Variants in WWOX observed in about 807,000 individuals in gnomAD.
WWOX encodes the protein WW domain-containing oxidoreductase.
WWOX carries 69 observed loss-of-function variants against 46.2 expected under a neutral mutation model. That is an observed-to-expected ratio of 1.49 (90% CI 1.23 to 1.82). The LOEUF is 1.82. Ranked by LOEUF, WWOX falls within the 40% of genes most tolerant of loss-of-function variation. The pLI, the probability that WWOX is intolerant of heterozygous loss-of-function variation, is 0.00. For synonymous variants in WWOX, 359 were observed against 202.6 expected (o/e 1.77, Z -6.56); for missense variants, 919 against 542.6 (o/e 1.69, Z -6.89).
Position 78,346,897 on chromosome 16 carries a change from TA to T in WWOX, c.517-39962del, listed in dbSNP as rs1230062592. Among the ~76,000 whole-genome samples, 10 of 117,568 alleles carry T rather than the reference TA, an allele frequency of 8.5e-5. 2 individuals are homozygous for T. The highest frequency in any genetic ancestry group is 2.3e-4 in the African/African-American group (8 of 34,504). 77.1% of individuals were successfully genotyped at this position (117,568 alleles called of 152,430 possible). The stretch of plus-strand genomic sequence containing the variant: ...TTTTTGTGTTGTTTTATTTTTATTT[TA>T]TTTTTTTAGCAGAGACAGGGTTTCA... On this transcript the variant is annotated intron_variant, in intron 5 of 8. Transcript: ENST00000566780.
chr16:78,612,251 C>T (rs2550580), intron 8 of WWOX, among the ~76,000 whole-genome samples: 68,738 of 152,020 alleles, frequency 0.45, 16,732 homozygotes, highest in Middle Eastern at 0.59. Flanking sequence ...TGCAAGGGCC[C>T]TTGAAGGTTT....
chr16:78,286,945 T>A (rs2079777579), intron 5 of WWOX, among the ~76,000 whole-genome samples: 1 of 152,234 alleles, frequency 6.6e-6, no homozygotes, highest in Non-Finnish European at 1.5e-5. Context: ...TTTCTGTTTT[T>A]AGTTAGAAAG....
At chr16:78,825,067 T>C (rs1344792318) in intron 8 of WWOX, among the ~76,000 whole-genome samples, 1 of 152,176 alleles carries the variant, frequency 6.6e-6, no homozygotes, top group African/African-American at 2.4e-5. Context: ...AAAATGGTAA[T>C]ACTCATGAAC....
chr16:78,313,547 G>T (rs555683325), intron 5 of WWOX, among the ~76,000 whole-genome samples: 1 of 152,144 alleles, frequency 6.6e-6, no homozygotes, highest in Non-Finnish European at 1.5e-5. Context: ...TGTGTTTTTA[G>T]TAGAGACGGG....
chr16:78,961,741 G>C (rs192765070), intron 8 of WWOX, among the ~76,000 whole-genome samples: 13 of 152,276 alleles, frequency 8.5e-5, no homozygotes, highest in Non-Finnish European at 1.6e-4. Context: ...CAGTAAGTCT[G>C]AGGAGGAACT....
At chr16:79,128,439 C>G (rs190590063) in intron 8 of WWOX, among the ~76,000 whole-genome samples, 1 of 151,828 alleles carries the variant, frequency 6.6e-6, no homozygotes, top group African/African-American at 2.4e-5. Context: ...TTCAGCAACC[C>G]TGTAAAGTCA....
intron 8 of WWOX, among the ~76,000 whole-genome samples, chr16:78,788,689 C>G (rs940979638): frequency 1.3e-5 from 2 of 152,184 alleles, no homozygotes. Context: ...AAGTGTTTTC[C>G]TGAGTTCTGT....
chr16:78,741,175 C>G (rs986276870), intron 8 of WWOX, among the ~76,000 whole-genome samples: 1 of 152,174 alleles, frequency 6.6e-6, no homozygotes, highest in East Asian at 1.9e-4. Flanking sequence ...TGACAGAGAC[C>G]ATTTATCCCA....
intron 4 of WWOX, among the ~76,000 whole-genome samples, chr16:78,153,681 C>T (rs997284167): frequency 6.6e-6 from 1 of 152,114 alleles, no homozygotes; most frequent in Admixed American, 6.5e-5. Context: ...CATTTGTCCC[C>T]AGTGTTTCAC....
At chr16:78,117,305 C>T (rs1597221893) in intron 4 of WWOX, among the ~76,000 whole-genome samples, 1 of 152,018 alleles carries the variant, frequency 6.6e-6, no homozygotes, top group Non-Finnish European at 1.5e-5. Context: ...ACCAGCCTTT[C>T]CTATTCAAGT....
At chr16:78,837,118 G>C (rs2052008542) in intron 8 of WWOX, among the ~76,000 whole-genome samples, 1 of 152,016 alleles carries the variant, frequency 6.6e-6, no homozygotes, top group Admixed American at 6.6e-5. Context: ...AGAAGAAGGA[G>C]AAAAAGAAGA....
intron 5 of WWOX, among the ~76,000 whole-genome samples, chr16:78,358,529 A>G (rs928956617): frequency 1.8e-4 from 27 of 152,094 alleles, no homozygotes; most frequent in Non-Finnish European, 1.9e-4. Context: ...GTGGTGGCAC[A>G]TGCCTGTAAT....
At chr16:78,927,970 G>C (rs2045536301) in intron 8 of WWOX, among the ~76,000 whole-genome samples, 1 of 151,812 alleles carries the variant, frequency 6.6e-6, no homozygotes, top group East Asian at 1.9e-4. Context: ...AACAATCTCA[G>C]GGTTTTTGTG....
intron 5 of WWOX, among the ~76,000 whole-genome samples, chr16:78,383,649 AC>A (rs1234784268): frequency 3.3e-5 from 5 of 151,808 alleles, no homozygotes; most frequent in African/African-American, 1.2e-4. Context: ...AGAATTGCAA[AC>A]CCCCAACACA....
At chr16:78,998,419 G>A (rs1797356264) in intron 8 of WWOX, among the ~76,000 whole-genome samples, 1 of 152,086 alleles carries the variant, frequency 6.6e-6, no homozygotes, top group Non-Finnish European at 1.5e-5. Context: ...TGCTCCACAT[G>A]TGTTTGTAGA....
chr16:78,858,144 TTGTGTGTG>T (rs59637371), intron 8 of WWOX, among the ~76,000 whole-genome samples: 5 of 148,652 alleles, frequency 3.4e-5, no homozygotes, highest in South Asian at 2.1e-4. Flanking sequence ...CATTGTGTGT[TTGTGTGTG>T]TGTGTGTGTG....
At chr16:78,836,828 C>T (rs1248968592) in intron 8 of WWOX, among the ~76,000 whole-genome samples, 4 of 152,130 alleles carry the variant, frequency 2.6e-5, no homozygotes, top group African/African-American at 7.2e-5. Flanking sequence ...TTCCTAATCA[C>T]GGGACTGAGA....
chr16:78,907,454 A>G lies in WWOX; in HGVS notation c.1057-304154A>G, dbSNP rs945913988. ...GAATTCAGGCTCCTGTCCTCCTCCT[A>G]ACTTGGTGGTCTTTTGCTAGCTTTA... is the stretch of plus-strand genomic sequence containing the variant. On this transcript the variant is annotated intron_variant, in intron 8 of 8. Coordinates refer to ENST00000566780, the MANE Select transcript of WWOX (RefSeq NM_016373.4). 2.0e-5 allele frequency among the ~76,000 whole-genome samples: 3 copies of G among 152,092 alleles called. No individual in the cohort carries two copies. The East Asian group carries it at 5.8e-4, about 29-fold the overall frequency.
intron 8 of WWOX, among the ~76,000 whole-genome samples, chr16:79,166,958 T>C (rs760810233): frequency 3.9e-5 from 6 of 152,208 alleles, no homozygotes; most frequent in Admixed American, 2.0e-4. Flanking sequence ...TTATTTTTTT[T>C]TGAGACAGAG....
Sources: allele counts gnomAD v4.1 joint callset (sites outside exome capture counted in the v4.1 genomes callset), GRCh38; gene constraint gnomAD v4.1.1; transcripts MANE v1.5; gene names NCBI Gene and HGNC (gene_info 2026-07-23, HGNC 2026-07-21).